SDCCAG8: variants seen among roughly 807,000 people sequenced by gnomAD.
SDCCAG8 encodes the protein SHH signaling and ciliogenesis regulator SDCCAG8, also known as serologically defined colon cancer antigen 8.
A neutral mutation model predicts 101.8 loss-of-function variants in SDCCAG8; 74 were observed. The ratio of observed to expected loss-of-function variants is 0.73; its 90% CI spans 0.60 to 0.88. SDCCAG8 has a LOEUF of 0.88. Ranked by LOEUF, SDCCAG8 falls within the 40% of genes least tolerant of loss-of-function variation. SDCCAG8 has a pLI of 0.00. For synonymous variants in SDCCAG8, 281 were observed against 292.9 expected (o/e 0.96, Z 0.41); for missense variants, 787 against 822.6 (o/e 0.96, Z 0.53).
chr1:243,376,093 A>G (rs2077580707), intron 12 of SDCCAG8, among the ~76,000 whole-genome samples: 1 of 152,112 alleles, frequency 6.6e-6, no homozygotes, highest in Admixed American at 6.6e-5. Flanking sequence ...AGAAGGGGGA[A>G]CTTTTATGAA....
intron 1 of SDCCAG8, among the ~76,000 whole-genome samples, chr1:243,262,726 T>G (rs1435963679): frequency 1.3e-5 from 2 of 152,220 alleles, no homozygotes; most frequent in East Asian, 3.8e-4. Context: ...GTTTAAAGAC[T>G]TATGGTCTGA....
Position 243,474,630 on chromosome 1 carries a change from G to T in SDCCAG8, c.1986-14384G>T, listed in dbSNP as rs1662009958. ...GCGCTCCGCGGTGGCCCGAGAGCAG[G>T]TGCTGGCGTGCGGGAGGCGCACGTG... On this transcript the variant is annotated intron_variant, in intron 16 of 17. Coordinates refer to ENST00000366541, the MANE Select transcript of SDCCAG8 (RefSeq NM_006642.5). This position sits in a 1 kb window ranked among gnomAD's most constrained non-coding sequence, Gnocchi z 4.7. Among the ~76,000 whole-genome samples, 1 of 152,236 alleles carries T rather than the reference G, an allele frequency of 6.6e-6. No homozygotes were observed. Among genetic ancestry groups the T allele is most frequent in the South Asian group, 2.1e-4 (1 of 4,832 alleles).
At chr1:243,421,387 C>T (rs1005255450) in intron 15 of SDCCAG8, among the ~76,000 whole-genome samples, 1 of 152,158 alleles carries the variant, frequency 6.6e-6, no homozygotes, top group Non-Finnish European at 1.5e-5. Context: ...ACTCTCTGCC[C>T]CAGCTTCATG....
intron 8 of SDCCAG8, among the ~76,000 whole-genome samples, chr1:243,310,165 C>T (rs888826143): frequency 6.6e-6 from 1 of 151,956 alleles, no homozygotes; most frequent in African/African-American, 2.4e-5. Context: ...CCCGGCCCGA[C>T]TGGTAGTTTT....
At chr1:243,448,912 G>A (rs1212297806) in intron 16 of SDCCAG8, among the ~76,000 whole-genome samples, 1 of 152,088 alleles carries the variant, frequency 6.6e-6, no homozygotes, top group African/African-American at 2.4e-5. Flanking sequence ...TAAAATTGTA[G>A]AAGGGTAAAA....
intron 11 of SDCCAG8, among the ~76,000 whole-genome samples, chr1:243,342,135 T>G (rs1248155119): frequency 1.3e-5 from 2 of 152,188 alleles, no homozygotes; most frequent in African/African-American, 4.8e-5. Context: ...CAAATTTTTG[T>G]GTGGAGATAG....
chr1:243,309,533 C>G (rs2072505673), intron 8 of SDCCAG8, among the ~76,000 whole-genome samples: 1 of 152,158 alleles, frequency 6.6e-6, no homozygotes, highest in Non-Finnish European at 1.5e-5. Context: ...GAGTTGGGGT[C>G]TCACTCCTTT....
chr1:243,350,524 A>C (rs897861771), intron 12 of SDCCAG8, among the ~76,000 whole-genome samples: 4 of 151,938 alleles, frequency 2.6e-5, no homozygotes, highest in Non-Finnish European at 5.9e-5. Context: ...GGCCTATGTC[A>C]GTCCTTTTTA....
intron 15 of SDCCAG8, among the ~76,000 whole-genome samples, chr1:243,423,583 AC>A (rs1380199487): frequency 6.6e-6 from 1 of 152,158 alleles, no homozygotes; most frequent in Non-Finnish European, 1.5e-5. Flanking sequence ...AAAACTTTGT[AC>A]CTAAATCTAA....
intron 12 of SDCCAG8, among the ~76,000 whole-genome samples, chr1:243,361,550 C>T (rs2076712057): frequency 6.6e-6 from 1 of 152,146 alleles, no homozygotes; most frequent in South Asian, 2.1e-4. Context: ...TTTATAAGGC[C>T]CTGCATAATC....
chr1:243,490,353 G>C (rs1193561561), intron 17 of SDCCAG8, among the ~76,000 whole-genome samples: 1 of 152,258 alleles, frequency 6.6e-6, no homozygotes, highest in East Asian at 1.9e-4. Context: ...CCGAGCCACA[G>C]CCGCACTGCC....
chr1:243,487,506 G>A (rs1229285565), intron 16 of SDCCAG8, among the ~76,000 whole-genome samples: 1 of 152,178 alleles, frequency 6.6e-6, no homozygotes, highest in Non-Finnish European at 1.5e-5. Context: ...ACACACACAG[G>A]GAAACACTCC....
intron 17 of SDCCAG8, among the ~76,000 whole-genome samples, chr1:243,491,046 C>G (rs1480553469): frequency 6.6e-6 from 1 of 152,216 alleles, no homozygotes; most frequent in Admixed American, 6.5e-5. Flanking sequence ...CTCTGTCAGA[C>G]CTCAGGTTGT....
At chr1:243,260,431 A>G (rs1415439744) in intron 1 of SDCCAG8, among the ~76,000 whole-genome samples, 1 of 152,214 alleles carries the variant, frequency 6.6e-6, no homozygotes, top group Non-Finnish European at 1.5e-5. Flanking sequence ...TCTAAATTCA[A>G]TACATCGTTG....
At chr1:243,387,935 C>T (rs1011908442) in intron 13 of SDCCAG8, among the ~76,000 whole-genome samples, 14 of 152,114 alleles carry the variant, frequency 9.2e-5, no homozygotes, top group African/African-American at 3.1e-4. Context: ...AGACTGGTCT[C>T]AAACTCCTGA....
In SDCCAG8 at chr1:243,369,793, T is replaced by C. The variant is rs563460832; in HGVS notation, c.1474-8928T>C. Among the ~76,000 whole-genome samples, 28 of 152,262 alleles carry C rather than the reference T, an allele frequency of 1.8e-4. 1 individual carries two copies. The East Asian group carries it at 5.0e-3, about 27-fold the overall frequency. On this transcript the variant is annotated intron_variant, in intron 12 of 17. Transcript: ENST00000366541. Reference sequence around the variant, plus strand: ...TGGTATTGAACCAATGCAAAACTTATTGTCAGACAATTTTAAAACTCCACA... The same window carrying C: ...TGGTATTGAACCAATGCAAAACTTACTGTCAGACAATTTTAAAACTCCACA...
chr1:243,320,207 C>A (rs1207943580), intron 9 of SDCCAG8, among the ~76,000 whole-genome samples: 2 of 152,254 alleles, frequency 1.3e-5, no homozygotes, highest in Middle Eastern at 6.8e-3. Context: ...GAGTTTCTAA[C>A]GTTTTCTTGA....
chr1:243,485,795 G>T (rs368758929), intron 16 of SDCCAG8, among the ~76,000 whole-genome samples: 3 of 151,978 alleles, frequency 2.0e-5, no homozygotes, highest in South Asian at 2.1e-4. Context: ...TCCCAGCTAC[G>T]GCAGGAGAAT....
intron 16 of SDCCAG8, among the ~76,000 whole-genome samples, chr1:243,447,203 C>T (rs901848333): frequency 7.4e-6 from 1 of 134,358 alleles, no homozygotes; most frequent in Non-Finnish European, 1.5e-5. Flanking sequence ...GAGCCGAGAT[C>T]GCGCCACGGC....
Sources: gnomAD v4.1 joint callset for allele counts (sites outside exome capture counted in the v4.1 genomes callset) on GRCh38, gnomAD v4.1.1 for gene constraint, Gnocchi (gnomAD v3.1) non-coding constraint, MANE v1.5 for transcripts, NCBI Gene and HGNC (gene_info 2026-07-23, HGNC 2026-07-21) for gene names.